GRM1: variants seen among roughly 807,000 people sequenced by gnomAD.
GRM1 encodes the protein metabotropic glutamate receptor 1.
Under a neutral mutation model 90.9 loss-of-function variants are expected in GRM1, and 33 were observed. The observed-to-expected ratio is 0.36, with a 90% confidence interval of 0.28 to 0.49. The LOEUF (loss-of-function observed/expected upper bound fraction) is 0.49, where lower values mean the gene tolerates loss of function less well. Among genes scored for constraint, GRM1 ranks in the 20% least tolerant of loss-of-function variants. The pLI is 0.99. For synonymous variants in GRM1, 700 were observed against 613.2 expected, an observed-to-expected ratio of 1.14 and a Z score of -2.09; for missense variants, 1,190 against 1,534.3, an observed-to-expected ratio of 0.78 and a Z score of 3.75.
At chr6:146,362,450 CAGGCAG>C (rs895236239) in intron 5 of GRM1, among the ~76,000 whole-genome samples, 2 of 152,032 alleles carry the variant, frequency 1.3e-5, no homozygotes, top group African/African-American at 2.4e-5. Context: ...GAGGCTGAGA[CAGGCAG>C]ATCACGAGGT....
At chr6:146,321,982 C>T (rs972775022) in intron 3 of GRM1, among the ~76,000 whole-genome samples, 6 of 152,024 alleles carry the variant, frequency 3.9e-5, no homozygotes, top group Non-Finnish European at 8.8e-5. Context: ...GAGCTGTGAT[C>T]GTTTGGAGGA....
intron 1 of GRM1, among the ~76,000 whole-genome samples, chr6:146,102,837 A>G (rs1777096238): frequency 6.6e-6 from 1 of 152,224 alleles, no homozygotes; most frequent in African/African-American, 2.4e-5. Context: ...AAAACTTGTA[A>G]AGAAACTGAT....
chr6:146,101,290 C>A (rs114996473), intron 1 of GRM1, among the ~76,000 whole-genome samples: 1 of 152,254 alleles, frequency 6.6e-6, no homozygotes, highest in Non-Finnish European at 1.5e-5. Context: ...ATAAACCCAC[C>A]TTTGTCATTG....
chr6:146,221,767 T>A (rs1206215058), intron 2 of GRM1, among the ~76,000 whole-genome samples: 1 of 152,156 alleles, frequency 6.6e-6, no homozygotes, highest in East Asian at 1.9e-4. Flanking sequence ...GTGGGCCATG[T>A]AGTCTCTGTC....
At chr6:146,258,636 T>C (rs567644092) in intron 2 of GRM1, among the ~76,000 whole-genome samples, 1 of 152,132 alleles carries the variant, frequency 6.6e-6, no homozygotes, top group Non-Finnish European at 1.5e-5. Flanking sequence ...CCTCCTGCCA[T>C]GGCCTCTGAA....
At chr6:146,056,793 T>G (rs1775496779) in intron 1 of GRM1, among the ~76,000 whole-genome samples, 1 of 152,174 alleles carries the variant, frequency 6.6e-6, no homozygotes, top group African/African-American at 2.4e-5. Context: ...TACTATTGGC[T>G]TCTCTGAGAG....
In GRM1 at chr6:146,435,819, G is replaced by A. The variant is rs1171760755; in HGVS notation, c.*1023G>A. Reference sequence around the variant, plus strand: ...ACAAAATTGTTACCTTCCACTTACTGTAGCAAATAATACCTACAAGTTGAA... The same window carrying A: ...ACAAAATTGTTACCTTCCACTTACTATAGCAAATAATACCTACAAGTTGAA... On this transcript the variant is annotated 3_prime_UTR_variant, in exon 8 of 8. Transcript: ENST00000282753. 2.6e-5 allele frequency: 4 copies of A among 152,716 alleles called. No homozygotes were observed. The South Asian group carries it at 8.3e-4, about 32-fold the overall frequency. 9.5% of individuals were successfully genotyped at this position (152,716 alleles called of 1,614,324 possible).
intron 1 of GRM1, among the ~76,000 whole-genome samples, chr6:146,067,975 G>A (rs1333949409): frequency 6.6e-6 from 1 of 152,046 alleles, no homozygotes; most frequent in East Asian, 1.9e-4. Context: ...GTAATTTCAG[G>A]GTTTTAGGGG....
chr6:146,389,747 G>C (rs1349856904), intron 6 of GRM1, among the ~76,000 whole-genome samples: 1 of 152,052 alleles, frequency 6.6e-6, no homozygotes, highest in Non-Finnish European at 1.5e-5. Flanking sequence ...AGCTGCGACT[G>C]GGTCATATAT....
At chr6:146,403,147 A>C (rs138776023) in intron 7 of GRM1, among the ~76,000 whole-genome samples, 2 of 152,236 alleles carry the variant, frequency 1.3e-5, no homozygotes, top group Non-Finnish European at 1.5e-5. Flanking sequence ...TAAATTAATT[A>C]GATCCAAGTA....
chr6:146,243,446 G>T (rs112565255), intron 2 of GRM1, among the ~76,000 whole-genome samples: 30 of 152,104 alleles, frequency 2.0e-4, no homozygotes, highest in African/African-American at 7.2e-4. Flanking sequence ...TTTCATGCCA[G>T]AATTATAGAA....
chr6:146,235,744 G>T (rs1780624618), intron 2 of GRM1, among the ~76,000 whole-genome samples: 1 of 146,076 alleles, frequency 6.8e-6, no homozygotes, highest in Non-Finnish European at 1.5e-5. Flanking sequence ...GTGTGTGTGT[G>T]TTTCGGTGGT....
chr6:146,250,003 G>C (rs1283990764), intron 2 of GRM1, among the ~76,000 whole-genome samples: 1 of 152,176 alleles, frequency 6.6e-6, no homozygotes, highest in Non-Finnish European at 1.5e-5. Context: ...GACTTGCTTG[G>C]AGCCTGTGCC....
intron 3 of GRM1, among the ~76,000 whole-genome samples, chr6:146,326,994 T>G (rs936103766): frequency 6.6e-6 from 1 of 152,202 alleles, no homozygotes; most frequent in African/African-American, 2.4e-5. Flanking sequence ...ACAGGAAAAT[T>G]GTGAAAATAG....
At chr6:146,391,104 T>G (rs559336366) in intron 6 of GRM1, among the ~76,000 whole-genome samples, 5 of 152,218 alleles carry the variant, frequency 3.3e-5, no homozygotes, top group African/African-American at 1.2e-4. Context: ...GCATAGAGTT[T>G]TATTTCTTAA....
chr6:146,366,837 C>T (rs895863129), intron 5 of GRM1, among the ~76,000 whole-genome samples: 1 of 151,926 alleles, frequency 6.6e-6, no homozygotes, highest in South Asian at 2.1e-4. Flanking sequence ...ATATTTTTGC[C>T]CATCCTGTAG....
At chr6:146,370,964 G>A (rs1386748341) in intron 5 of GRM1, among the ~76,000 whole-genome samples, 1 of 151,988 alleles carries the variant, frequency 6.6e-6, no homozygotes, top group African/African-American at 2.4e-5. Context: ...TTACAATGTA[G>A]TCCTACATTG....
rs1465976614 is a variant in GRM1 at position 146,315,711 on chromosome 6, T to G, written c.1186+10865T>G. Among the ~76,000 whole-genome samples the G allele has an allele frequency of 7.2e-5, 11 of 152,160 alleles. No homozygotes were observed. In the East Asian group the frequency reaches 1.7e-3, roughly 24 times the overall value. On this transcript the variant is annotated intron_variant, in intron 3 of 7. Transcript: ENST00000282753. ...ACAAGAAGAAATTCATACTTAAAAT[T>G]TATGAGCCATTTAAATTTTCAAAAT...
At chr6:146,432,756 C>G (rs1318276154) in intron 7 of GRM1, among the ~76,000 whole-genome samples, 1 of 152,218 alleles carries the variant, frequency 6.6e-6, no homozygotes, top group African/African-American at 2.4e-5. Flanking sequence ...GTACCAACAT[C>G]TGCTTAAAGT....
Sources: allele counts gnomAD v4.1 joint callset (sites outside exome capture counted in the v4.1 genomes callset), GRCh38; gene constraint gnomAD v4.1.1; transcripts MANE v1.5; gene names NCBI Gene and HGNC (gene_info 2026-07-23, HGNC 2026-07-21).